The following ALKBH8 variants were observed in gnomAD, a reference collection of about 807,000 sequenced individuals.
ALKBH8 encodes the protein tRNA (carboxymethyluridine(34)-5-O)-methyltransferase ALKBH8.
Under a neutral mutation model 59.8 loss-of-function variants are expected in ALKBH8, and 36 were observed. That is an observed-to-expected ratio of 0.60 (90% CI 0.46 to 0.79). The LOEUF is 0.79. Among genes scored for constraint, ALKBH8 ranks in the 30% least tolerant of loss-of-function variants. The pLI is 0.00. For synonymous variants in ALKBH8, 276 were observed against 273.6 expected (o/e 1.01, Z -0.09); for missense variants, 768 against 801.0 (o/e 0.96, Z 0.50).
At chr11:107,518,765 A>G (rs569976) in intron 10 of ALKBH8, among the ~76,000 whole-genome samples, 140,360 of 152,232 alleles carry the variant, frequency 0.92, 64,943 homozygotes, top group South Asian at 0.97. Flanking sequence ...GAATATCTAT[A>G]GAAACAATGC....
intron 1 of ALKBH8, 159 bp downstream of exon 1, chr11:107,565,442 C>T: frequency 2.1e-6 from 2 of 959,484 alleles, no homozygotes; most frequent in Non-Finnish European, 3.1e-6. Context: ...CGCAGACACC[C>T]TACTGCCCAC....
intron 10 of ALKBH8, among the ~76,000 whole-genome samples, chr11:107,521,985 G>A (rs1452773529): frequency 6.6e-6 from 1 of 151,958 alleles, no homozygotes; most frequent in African/African-American, 2.4e-5. Flanking sequence ...TACTTAGGGG[G>A]ATCCAAGCCA....
At chr11:107,528,833 T>C (rs1863457209) in intron 8 of ALKBH8, among the ~76,000 whole-genome samples, 1 of 152,198 alleles carries the variant, frequency 6.6e-6, no homozygotes, top group South Asian at 2.1e-4. Context: ...AAAACAGTTT[T>C]ATAGATTTAA....
At chr11:107,542,299 C>CA (rs1215211867) in intron 7 of ALKBH8, among the ~76,000 whole-genome samples, 1 of 152,122 alleles carries the variant, frequency 6.6e-6, no homozygotes, top group Non-Finnish European at 1.5e-5. Context: ...AAGATAAAAG[C>CA]AAAAAATCTT....
Position 107,522,511 on chromosome 11 carries a change from A to AG in ALKBH8, c.1074dup (p.Ser359LeufsTer6), listed in dbSNP as rs1324130098. On this transcript the variant is annotated frameshift_variant, in exon 10 of 12. Coordinates refer to ENST00000428149, the MANE Select transcript of ALKBH8 (RefSeq NM_138775.3). LOFTEE classifies it high-confidence loss of function. ...GCTTCTTTATCACTCTCTGGAAATGAGGGGGGAGTCTCTTTCCTCTGGCTA... is the reference window on the plus strand; with the variant it reads ...GCTTCTTTATCACTCTCTGGAAATGAGGGGGGGAGTCTCTTTCCTCTGGCTA... 7 of 1,551,476 alleles carry AG rather than the reference A, an allele frequency of 4.5e-6. No individual in the cohort carries two copies. Among genetic ancestry groups the AG allele is most frequent in the Non-Finnish European group, 6.1e-6 (7 of 1,146,954 alleles).
intron 10 of ALKBH8, among the ~76,000 whole-genome samples, chr11:107,521,917 G>A (rs777203178): frequency 7.9e-5 from 12 of 152,076 alleles, no homozygotes; most frequent in African/African-American, 4.8e-5. Flanking sequence ...TGATCACTGT[G>A]AGCCCCAATT....
At position 107,551,862 on chromosome 11, in the gene ALKBH8, A is replaced by T; in HGVS notation, c.646T>A (p.Tyr216Asn). The T allele has an allele frequency of 6.4e-7, 1 of 1,559,280 alleles. No homozygotes were observed. Among genetic ancestry groups the T allele is most frequent in the Non-Finnish European group, 8.6e-7 (1 of 1,158,326 alleles). ...SFLEKWLRKG[Y>N]IKHKPDQMTI... is the part of the protein sequence containing the mutation. ...ATTTGATCAGGTTTATGTTTAATGT[A>T]ACCTTTCCTCAACCATTTCTCCAAA... is the stretch of plus-strand genomic sequence containing the variant. Residue 216 changes from tyrosine (Y) to asparagine (N), a missense_variant, in exon 6 of 12, where the codon TAC becomes AAC. Transcript: ENST00000428149.
rs199962343 is a variant in ALKBH8 at position 107,532,351 on chromosome 11, C to T, written c.827G>A (p.Arg276His). The change falls in exon 8 of 12, where the codon CGT becomes CAT. Residue 276 changes from arginine (R) to histidine (H), a missense_variant. Physicochemically the swap from Arg to His is conservative, Grantham distance 29 (BLOSUM62 0). Coordinates refer to ENST00000428149, the MANE Select transcript of ALKBH8 (RefSeq NM_138775.3). Reference protein sequence around the residue: ...DGIAVPVMLPRRSLLVMTGES... With the variant: ...DGIAVPVMLPHRSLLVMTGES... Reference sequence around the variant, plus strand: ...TCCTGTCATCACCAGCAAACTCCGACGAGGCAACATAACTGGCACTGCAAT... The same window carrying T: ...TCCTGTCATCACCAGCAAACTCCGATGAGGCAACATAACTGGCACTGCAAT... 23 of 1,613,522 alleles carry T rather than the reference C, an allele frequency of 1.4e-5. No individual in the cohort carries two copies. The highest frequency in any genetic ancestry group is 1.3e-4 in the South Asian group (12 of 91,034).
At chr11:107,533,138 G>T (rs1278945630) in intron 7 of ALKBH8, among the ~76,000 whole-genome samples, 1 of 151,986 alleles carries the variant, frequency 6.6e-6, no homozygotes, top group Non-Finnish European at 1.5e-5. Flanking sequence ...CCAAGAAAAT[G>T]CTTGTGCCCT....
At chr11:107,550,517 T>C (rs1864444225) in intron 6 of ALKBH8, among the ~76,000 whole-genome samples, 1 of 152,216 alleles carries the variant, frequency 6.6e-6, no homozygotes, top group South Asian at 2.1e-4. Context: ...TACAGGCCTC[T>C]GCGTCTTTAA....
chr11:107,519,439 T>A (rs918711710), intron 10 of ALKBH8, among the ~76,000 whole-genome samples: 18 of 152,284 alleles, frequency 1.2e-4, no homozygotes, highest in Admixed American at 2.0e-4. Flanking sequence ...ACAACATTTT[T>A]AAAACTATTA....
chr11:107,532,558 C>G, intron 7 of ALKBH8, 152 bp from the exon 8 acceptor site: 1 of 594,756 alleles, frequency 1.7e-6, no homozygotes, highest in South Asian at 2.2e-5. Context: ...GGTTCTCAAA[C>G]TTTACTGTAC....
At chr11:107,541,579 C>T (rs1864036781) in intron 7 of ALKBH8, among the ~76,000 whole-genome samples, 1 of 152,158 alleles carries the variant, frequency 6.6e-6, no homozygotes, top group Non-Finnish European at 1.5e-5. Context: ...GCTAAAATCC[C>T]ACTGTCCTTG....
In ALKBH8 at chr11:107,557,592, T is replaced by C. The variant is rs149031559; in HGVS notation, c.130-589A>G. Among the ~76,000 whole-genome samples the C allele has an allele frequency of 6.6e-3, 1,001 of 152,286 alleles. 14 individuals are homozygous for C. The highest frequency in any genetic ancestry group is 6.1e-3 in the Admixed American group (94 of 15,298). ...GTTTACTAAAAATTAAAAGTAAAGG[T>C]ACTATTACCTCAAAGAAAAACCAAT... On this transcript the variant is annotated intron_variant, in intron 2 of 11. Coordinates refer to ENST00000428149, the MANE Select transcript of ALKBH8 (RefSeq NM_138775.3).
At chr11:107,541,694 G>GCCAGC (rs1307332474) in intron 7 of ALKBH8, among the ~76,000 whole-genome samples, 1 of 152,138 alleles carries the variant, frequency 6.6e-6, no homozygotes, top group African/African-American at 2.4e-5. Context: ...AATGTAGAAA[G>GCCAGC]CCAGCCTCCA....
rs73553628 is a variant in ALKBH8 at position 107,530,439 on chromosome 11, A to G, written c.878+1861T>C. Among the ~76,000 whole-genome samples the G allele has an allele frequency of 5.2e-3, 785 of 152,280 alleles. 4 individuals carry two copies. The highest frequency in any genetic ancestry group is 0.018 in the African/African-American group (743 of 41,544). ...TATACATGTTTTAAGTGTATCAAAT[A>G]TGCTTTTCCAATCTATTCTCTTTTC... On this transcript the variant is annotated intron_variant, in intron 8 of 11. Coordinates refer to ENST00000428149, the MANE Select transcript of ALKBH8 (RefSeq NM_138775.3).
At chr11:107,533,347 T>C (rs978535851) in intron 7 of ALKBH8, among the ~76,000 whole-genome samples, 2 of 152,168 alleles carry the variant, frequency 1.3e-5, no homozygotes, top group African/African-American at 4.8e-5. Context: ...TAAACCTGCA[T>C]AGTACCTAGT....
Position 107,534,131 on chromosome 11 carries a change from C to T in ALKBH8, c.772-1725G>A, listed in dbSNP as rs540709240. On this transcript the variant is annotated intron_variant, in intron 7 of 11. Transcript: ENST00000428149. Reference sequence around the variant, plus strand: ...GGAAACAGAGCGAGACACCGTCTCACCAAAAAATAAATAAATAAATAAATA... The same window carrying T: ...GGAAACAGAGCGAGACACCGTCTCATCAAAAAATAAATAAATAAATAAATA... 8.4e-4 allele frequency among the ~76,000 whole-genome samples: 127 copies of T among 151,406 alleles called. 1 individual carries two copies. Among genetic ancestry groups the T allele is most frequent in the Middle Eastern group, 6.8e-3 (2 of 294 alleles).
At chr11:107,551,653 C>A (rs112585139) in intron 6 of ALKBH8, among the ~76,000 whole-genome samples, 155 bp downstream of exon 6, 1 of 148,128 alleles carries the variant, frequency 6.8e-6, no homozygotes, top group Non-Finnish European at 1.5e-5. Context: ...GAGACCACGC[C>A]GTTGCACTCC....
Sources: allele counts gnomAD v4.1 joint callset (sites outside exome capture counted in the v4.1 genomes callset), GRCh38; gene constraint gnomAD v4.1.1; transcripts MANE v1.5; gene names NCBI Gene and HGNC (gene_info 2026-07-23, HGNC 2026-07-21).